Variants in MUC7 observed in about 807,000 individuals in gnomAD.
MUC7 encodes mucin 7, secreted, also known as mucin-7.
A neutral mutation model predicts 2.5 loss-of-function variants in MUC7; 2 were observed. The observed-to-expected ratio is 0.81, with a 90% CI of 0.33 to 2.55. The LOEUF (loss-of-function observed/expected upper bound fraction) is 2.55, where lower values mean the gene tolerates loss of function less well. MUC7 is among the 30% of genes most tolerant of loss of function. The probability of loss-of-function intolerance (pLI) is 0.11; values close to 1 mark genes in which losing one functional copy is unlikely to be tolerated. For missense variants in MUC7, 408 were observed against 455.6 expected (o/e 0.90, Z 0.95); for synonymous variants, 133 against 173.4 (o/e 0.77, Z 1.83).
chr4:70,469,813 C>T (rs377735537), upstream of MUC7, among the ~76,000 whole-genome samples: 4 of 152,126 alleles, frequency 2.6e-5, no homozygotes, highest in African/African-American at 9.7e-5. Flanking sequence ...GTTTCTGGGA[C>T]TGTAAATTAG....
chr4:70,457,967 A>G (rs1734451780), intron 1 of MUC7, among the ~76,000 whole-genome samples: 1 of 152,134 alleles, frequency 6.6e-6, no homozygotes, highest in African/African-American at 2.4e-5. Flanking sequence ...ATTTTCATGA[A>G]ATAGTCTCCA....
chr4:70,445,272 C>T (rs977304978), intron 1 of MUC7, among the ~76,000 whole-genome samples: 6 of 152,296 alleles, frequency 3.9e-5, no homozygotes, highest in Non-Finnish European at 7.3e-5. Context: ...CTCCTCCGTA[C>T]TTCATATTAC....
At chr4:70,458,704 A>G (rs1447470438) in intron 1 of MUC7, among the ~76,000 whole-genome samples, 1 of 152,186 alleles carries the variant, frequency 6.6e-6, no homozygotes, top group Non-Finnish European at 1.5e-5. Context: ...AAATTGGAAC[A>G]TAACAGTAAA....
intron 1 of MUC7, among the ~76,000 whole-genome samples, chr4:70,440,932 G>A (rs1322749745): frequency 6.6e-6 from 1 of 152,142 alleles, no homozygotes; most frequent in Non-Finnish European, 1.5e-5. Context: ...CATAAACAGT[G>A]GGCCCAGGAC....
At position 70,474,058 on chromosome 4, in the gene MUC7, C is replaced by A; in HGVS notation, c.37C>A (p.Leu13Met). Residue 13 changes from leucine (L) to methionine (M), a missense_variant, in exon 2 of 3, where the codon CTG (leucine) becomes ATG (methionine). Leu to Met is a conservative substitution (Grantham distance 15, BLOSUM62 2). This residue lies in a region of MUC7 where 225 missense variants were observed against 240.5 expected (regional missense o/e 0.94). Transcript: ENST00000304887. ...TLPLFVCICA[L>M]SACFSFSEGR... ...GCCGCTGTTTGTGTGCATCTGTGCA[C>A]TGAGTGCTTGCTTCTCGGTAAGTAT... 2 of 1,613,040 alleles carry A rather than the reference C, an allele frequency of 1.2e-6. No homozygotes were observed. Among genetic ancestry groups the A allele is most frequent in the Non-Finnish European group, 1.7e-6 (2 of 1,179,402 alleles).
intron 1 of MUC7, among the ~76,000 whole-genome samples, chr4:70,457,633 A>G (rs1734446216): frequency 6.6e-6 from 1 of 152,136 alleles, no homozygotes; most frequent in Admixed American, 6.6e-5. Flanking sequence ...AGCAATAAAA[A>G]CTGTTACATA....
chr4:70,480,529 C>A (rs957021279), intron 2 of MUC7, among the ~76,000 whole-genome samples: 1 of 152,136 alleles, frequency 6.6e-6, no homozygotes, highest in African/African-American at 2.4e-5. Flanking sequence ...CACAAAAGTT[C>A]GTATCCAGCT....
At chr4:70,439,710 G>A (rs1213632826) in intron 1 of MUC7, among the ~76,000 whole-genome samples, 1 of 151,924 alleles carries the variant, frequency 6.6e-6, no homozygotes, top group East Asian at 1.9e-4. Context: ...AATTTTATAT[G>A]TATTATTTCA....
intron 1 of MUC7, among the ~76,000 whole-genome samples, chr4:70,450,980 C>G (rs114680887): frequency 0.01 from 1,160 of 110,990 alleles, 12 homozygotes; most frequent in African/African-American, 0.034. Context: ...GCATGCCCCC[C>G]CAGTCCACTG....
chr4:70,435,376 C>A (rs1159186793), intron 1 of MUC7, among the ~76,000 whole-genome samples: 1 of 152,202 alleles, frequency 6.6e-6, no homozygotes, highest in Non-Finnish European at 1.5e-5. Context: ...CTTTATGAAT[C>A]TGGATGCTCC....
chr4:70,442,596 T>C (rs1207919855), intron 1 of MUC7, among the ~76,000 whole-genome samples: 1 of 152,198 alleles, frequency 6.6e-6, no homozygotes, highest in Non-Finnish European at 1.5e-5. Context: ...TTTTGCACTT[T>C]CTGGAAGTGA....
At chr4:70,459,181 C>T (rs556815530) in intron 1 of MUC7, among the ~76,000 whole-genome samples, 1 of 151,994 alleles carries the variant, frequency 6.6e-6, no homozygotes, top group Non-Finnish European at 1.5e-5. Flanking sequence ...CTAATAGTTA[C>T]CTCAAACAAA....
At chr4:70,476,358 G>C (rs1735001932) in intron 2 of MUC7, among the ~76,000 whole-genome samples, 1 of 152,134 alleles carries the variant, frequency 6.6e-6, no homozygotes, top group Non-Finnish European at 1.5e-5. Context: ...TGATGAATCT[G>C]GGTTGTTCTT....
At chr4:70,477,302 A>C (rs1365824246) in intron 2 of MUC7, among the ~76,000 whole-genome samples, 2 of 152,056 alleles carry the variant, frequency 1.3e-5, no homozygotes, top group Non-Finnish European at 2.9e-5. Flanking sequence ...TCCAGCTTCT[A>C]GGGAGGCTGA....
chr4:70,431,882 T>C (rs1413331846), intron 1 of MUC7, among the ~76,000 whole-genome samples: 1 of 152,180 alleles, frequency 6.6e-6, no homozygotes, highest in Non-Finnish European at 1.5e-5. Flanking sequence ...TATCTCCTAA[T>C]GCTATCCCTC....
chr4:70,445,101 C>T (rs34467583), intron 1 of MUC7, among the ~76,000 whole-genome samples: 10 of 151,852 alleles, frequency 6.6e-5, no homozygotes, highest in South Asian at 4.1e-4. Flanking sequence ...TGAAACCAAA[C>T]GAACTTTCAT....
At chr4:70,436,961 G>A (rs1733857443) in intron 1 of MUC7, among the ~76,000 whole-genome samples, 1 of 152,124 alleles carries the variant, frequency 6.6e-6, no homozygotes, top group African/African-American at 2.4e-5. Context: ...AGGCCCCTCA[G>A]CTGCAGGTCT....
chr4:70,446,677 C>A (rs1226878743), intron 1 of MUC7, among the ~76,000 whole-genome samples: 1 of 152,192 alleles, frequency 6.6e-6, no homozygotes, highest in Non-Finnish European at 1.5e-5. Context: ...TTCAACACAT[C>A]TTTTGGTGGA....
chr4:70,480,696 T>G, intron 2 of MUC7, 103 bp from the exon 3 acceptor site: 1 of 1,225,542 alleles, frequency 8.2e-7, no homozygotes, highest in Non-Finnish European at 1.1e-6. Flanking sequence ...TGGTTTCTAA[T>G]CCCAGCATTC....
Sources: allele counts gnomAD v4.1 joint callset (sites outside exome capture counted in the v4.1 genomes callset), GRCh38; gene constraint gnomAD v4.1.1; regional missense constraint gnomAD v4.1.1; transcripts MANE v1.5; gene names NCBI Gene and HGNC (gene_info 2026-07-23, HGNC 2026-07-21).